SAMD3: variants seen among roughly 807,000 people sequenced by gnomAD.
The protein encoded by SAMD3 is sterile alpha motif domain-containing protein 3.
A neutral mutation model predicts 58.5 loss-of-function variants in SAMD3; 63 were observed. That is an observed-to-expected ratio of 1.08 (90% CI 0.88 to 1.33). The LOEUF (loss-of-function observed/expected upper bound fraction) is 1.33, where lower values mean the gene tolerates loss of function less well. SAMD3 is among the 40% of genes most tolerant of loss of function. The probability of loss-of-function intolerance (pLI) is 0.00; values close to 1 mark genes in which losing one functional copy is unlikely to be tolerated. For missense variants in SAMD3, 604 were observed against 608.4 expected, an observed-to-expected ratio of 0.99 and a Z score of 0.08; for synonymous variants, 220 against 210.3, an observed-to-expected ratio of 1.05 and a Z score of -0.40.
At chr6:130,315,787 A>C (rs955549582) in intron 1 of SAMD3, among the ~76,000 whole-genome samples, 1 of 152,074 alleles carries the variant, frequency 6.6e-6, no homozygotes, top group Non-Finnish European at 1.5e-5. Flanking sequence ...ATTGGTAAAC[A>C]GTAATACATC....
chr6:130,169,697 C>T (rs950170643), intron 8 of SAMD3, among the ~76,000 whole-genome samples: 3 of 152,136 alleles, frequency 2.0e-5, no homozygotes, highest in South Asian at 2.1e-4. Flanking sequence ...GGAAAAACCA[C>T]GAAGAGTGTA....
At chr6:130,321,465 G>A (rs72992423) in intron 1 of SAMD3, among the ~76,000 whole-genome samples, 3,027 of 152,238 alleles carry the variant, frequency 0.02, 54 homozygotes, top group Non-Finnish European at 0.032. Context: ...TGGAAATGGC[G>A]AAGTAATAAA....
chr6:130,174,887 C>T (rs1791582962), intron 8 of SAMD3, among the ~76,000 whole-genome samples: 1 of 152,152 alleles, frequency 6.6e-6, no homozygotes, highest in South Asian at 2.1e-4. Context: ...ATGCATGATG[C>T]TGGGATAAGT....
intron 5 of SAMD3, among the ~76,000 whole-genome samples, chr6:130,193,451 G>A (rs1054409676): frequency 2.2e-4 from 34 of 151,148 alleles, no homozygotes; most frequent in African/African-American, 6.3e-4. Context: ...TCCACGCCCC[G>A]ACCTCTTATC....
intron 1 of SAMD3, among the ~76,000 whole-genome samples, chr6:130,343,487 T>C (rs1020084178): frequency 2.6e-5 from 4 of 152,206 alleles, no homozygotes; most frequent in Non-Finnish European, 4.4e-5. Context: ...GATTCAAAGA[T>C]TGTCCACATA....
chr6:130,281,386 G>T (rs1276393080), intron 2 of SAMD3, among the ~76,000 whole-genome samples: 5 of 152,124 alleles, frequency 3.3e-5, no homozygotes, highest in Non-Finnish European at 5.9e-5. Flanking sequence ...CACCACTGGG[G>T]ATGTTAAATT....
intron 2 of SAMD3, among the ~76,000 whole-genome samples, chr6:130,294,000 C>G (rs779135372): frequency 2.0e-5 from 3 of 152,118 alleles, no homozygotes; most frequent in Non-Finnish European, 4.4e-5. Flanking sequence ...GGCAGACAAC[C>G]TCTTGGATTA....
At chr6:130,182,604 A>G (rs1444039856) in intron 7 of SAMD3, among the ~76,000 whole-genome samples, 1 of 149,754 alleles carries the variant, frequency 6.7e-6, no homozygotes, top group Non-Finnish European at 1.5e-5. Flanking sequence ...AGGAAGGAAG[A>G]AAGGAAGGAG....
At chr6:130,272,527 G>C (rs1443168140) in intron 2 of SAMD3, among the ~76,000 whole-genome samples, 1 of 152,146 alleles carries the variant, frequency 6.6e-6, no homozygotes, top group African/African-American at 2.4e-5. Context: ...AATAATTAGA[G>C]AGCCAGGAAT....
intron 2 of SAMD3, among the ~76,000 whole-genome samples, chr6:130,278,125 T>A (rs1017650464): frequency 2.6e-5 from 4 of 152,178 alleles, no homozygotes; most frequent in Non-Finnish European, 4.4e-5. Flanking sequence ...ACCCTGCACT[T>A]TATGGATCAC....
intron 8 of SAMD3, among the ~76,000 whole-genome samples, chr6:130,164,842 G>T (rs1324700202): frequency 6.6e-6 from 1 of 152,074 alleles, no homozygotes; most frequent in Non-Finnish European, 1.5e-5. Context: ...AACTTCAAGA[G>T]GGTAGAGAAG....
intron 2 of SAMD3, among the ~76,000 whole-genome samples, chr6:130,252,433 C>A (rs1282241732): frequency 6.6e-6 from 1 of 151,950 alleles, no homozygotes; most frequent in Non-Finnish European, 1.5e-5. Context: ...GGTACACTAT[C>A]TTTTATTCAA....
At chr6:130,245,147 C>T (rs556988076) in intron 2 of SAMD3, among the ~76,000 whole-genome samples, 3 of 152,306 alleles carry the variant, frequency 2.0e-5, no homozygotes, top group South Asian at 4.2e-4. Context: ...ACTACAGCCA[C>T]GGCACTGCCA....
rs372274526 is a variant in SAMD3 at position 130,355,356 on chromosome 6, G to A, written c.-304+9764C>T. Among the ~76,000 whole-genome samples, 20 of 152,240 alleles carry A rather than the reference G, an allele frequency of 1.3e-4. 2 individuals are homozygous for A. Among genetic ancestry groups the A allele is most frequent in the African/African-American group, 1.2e-4 (5 of 41,542 alleles). ...GGAGAATCATTTGAACCTCTGAGGC[G>A]GAGGTTGCAATGAGCTGATATTGCA... On this transcript the variant is annotated intron_variant, in intron 1 of 13. Coordinates refer to the SAMD3 transcript ENST00000368134.
intron 2 of SAMD3, among the ~76,000 whole-genome samples, chr6:130,228,755 C>T (rs910732130): frequency 6.6e-6 from 1 of 152,126 alleles, no homozygotes; most frequent in African/African-American, 2.4e-5. Flanking sequence ...GATGGAAGCC[C>T]GCATGTGGGA....
chr6:130,146,503 T>A (rs1479634676), intron 9 of SAMD3, among the ~76,000 whole-genome samples: 1 of 152,186 alleles, frequency 6.6e-6, no homozygotes, highest in Non-Finnish European at 1.5e-5. Flanking sequence ...CCAGCTAAGG[T>A]TCTAAGATCT....
In SAMD3 at chr6:130,171,549, T is replaced by C. The variant is rs115593585; in HGVS notation, c.822+4292A>G. On this transcript the variant is annotated intron_variant, in intron 8 of 11. Transcript: ENST00000439090. ...CAGTGAGTTTCTTAATCCTGAGCTC[T>C]AATTTGATTGCACTGCAGTCTGAGA... 1.6e-3 allele frequency among the ~76,000 whole-genome samples: 247 copies of C among 152,282 alleles called. 1 individual carries two copies. Among genetic ancestry groups the C allele is most frequent in the African/African-American group, 5.8e-3 (242 of 41,578 alleles).
rs142508940 is a variant in SAMD3, at chr6:130,356,733, A to C, written c.-304+8387T>G. ...GTTTTCCTTTTTTCTCTGAGGGTGG[A>C]GCTCATTGAATTGAGCTCAATCCTC... On this transcript the variant is annotated intron_variant, in intron 1 of 13. Transcript: ENST00000368134. Among the ~76,000 whole-genome samples the C allele has an allele frequency of 4.0e-3, 603 of 152,306 alleles. 5 individuals carry two copies. Among genetic ancestry groups the C allele is most frequent in the African/African-American group, 0.013 (539 of 41,576 alleles).
chr6:130,354,175 C>T (rs188322926), intron 1 of SAMD3, among the ~76,000 whole-genome samples: 4 of 152,182 alleles, frequency 2.6e-5, no homozygotes, highest in African/African-American at 7.2e-5. Context: ...AAAAAAATAA[C>T]AGATGCTAGT....
Sources: gnomAD v4.1 joint callset for allele counts (sites outside exome capture counted in the v4.1 genomes callset) on GRCh38, gnomAD v4.1.1 for gene constraint, MANE v1.5 for transcripts, NCBI Gene and HGNC (gene_info 2026-07-23, HGNC 2026-07-21) for gene names.